Variants in TMEM117 observed in about 807,000 individuals in gnomAD.
The protein encoded by TMEM117 is transmembrane protein 117.
In TMEM117, 27 loss-of-function variants were observed where a neutral mutation model predicts 52.4. That is an observed-to-expected ratio of 0.51 (90% CI 0.38 to 0.71). The LOEUF is 0.71. TMEM117 is among the 30% of genes least tolerant of loss of function. The pLI is 0.00. For missense variants in TMEM117, 556 were observed against 630.5 expected, an observed-to-expected ratio of 0.88 and a Z score of 1.26; for synonymous variants, 215 against 206.3, an observed-to-expected ratio of 1.04 and a Z score of -0.36.
At chr12:43,992,247 G>A (rs987271236) in intron 3 of TMEM117, among the ~76,000 whole-genome samples, 5 of 151,776 alleles carry the variant, frequency 3.3e-5, no homozygotes, top group Non-Finnish European at 5.9e-5. Context: ...TTCCGAATTA[G>A]TTTATTTTAA....
chr12:44,235,657 C>A (rs138377959), intron 5 of TMEM117, among the ~76,000 whole-genome samples: 23 of 151,740 alleles, frequency 1.5e-4, no homozygotes, highest in Admixed American at 5.9e-4. Flanking sequence ...TATTTTAATT[C>A]TTTTCTTCAT....
intron 6 of TMEM117, among the ~76,000 whole-genome samples, chr12:44,324,221 T>C (rs753989513): frequency 2.6e-5 from 4 of 152,112 alleles, no homozygotes; most frequent in East Asian, 1.9e-4. Flanking sequence ...TGGAGAGTTG[T>C]TGGCAAGTTG....
intron 5 of TMEM117, among the ~76,000 whole-genome samples, chr12:44,218,693 C>T (rs1949751061): frequency 6.6e-6 from 1 of 152,168 alleles, no homozygotes; most frequent in Admixed American, 6.5e-5. Flanking sequence ...GACATTTAAC[C>T]TATCAGACAT....
chr12:43,980,327 C>T (rs974660062), intron 3 of TMEM117, among the ~76,000 whole-genome samples: 62 of 152,214 alleles, frequency 4.1e-4, no homozygotes, highest in African/African-American at 1.5e-3. Flanking sequence ...TTACTGGGAC[C>T]CTTTGCCTTT....
At chr12:43,864,422 A>G (rs1430356418) in intron 2 of TMEM117, among the ~76,000 whole-genome samples, 2 of 152,196 alleles carry the variant, frequency 1.3e-5, no homozygotes, top group Non-Finnish European at 2.9e-5. Context: ...AAATACACCA[A>G]TCAGCACTCT....
chr12:44,281,670 A>G (rs561974126), intron 5 of TMEM117, among the ~76,000 whole-genome samples: 1 of 152,274 alleles, frequency 6.6e-6, no homozygotes, highest in African/African-American at 2.4e-5. Flanking sequence ...ATGCAACTTG[A>G]TACAGTTAGT....
chr12:44,177,354 G>T lies in TMEM117; in HGVS notation c.510+33730G>T, dbSNP rs200454615. 1.1e-4 allele frequency among the ~76,000 whole-genome samples: 17 copies of T among 152,208 alleles called. No homozygotes were observed. In the East Asian group the frequency reaches 3.1e-3, roughly 28 times the overall value. ...TTATAGCTCATTGAAGGCTCAATGCGAAATGAACAACCTCTTTGCAATCCT... is the reference window on the plus strand; with the variant it reads ...TTATAGCTCATTGAAGGCTCAATGCTAAATGAACAACCTCTTTGCAATCCT... On this transcript the variant is annotated intron_variant, in intron 4 of 7. Transcript: ENST00000266534.
intron 3 of TMEM117, among the ~76,000 whole-genome samples, chr12:44,091,850 GATAA>G (rs1238399555): frequency 6.6e-6 from 1 of 152,190 alleles, no homozygotes; most frequent in Non-Finnish European, 1.5e-5. Flanking sequence ...GAAAAATTCT[GATAA>G]ATGTAGTCCA....
intron 3 of TMEM117, among the ~76,000 whole-genome samples, chr12:44,122,393 A>G (rs1400806567): frequency 1.3e-5 from 2 of 152,096 alleles, no homozygotes; most frequent in East Asian, 1.9e-4. Flanking sequence ...TATATGTAGC[A>G]CATATTCTTT....
intron 6 of TMEM117, among the ~76,000 whole-genome samples, chr12:44,309,814 A>C (rs840765): frequency 0.023 from 3,547 of 151,660 alleles, 157 homozygotes; most frequent in African/African-American, 0.081. Flanking sequence ...GACTTCAAAG[A>C]CCATACTTTT....
chr12:44,004,102 C>A (rs971802799), intron 3 of TMEM117, among the ~76,000 whole-genome samples: 10 of 152,314 alleles, frequency 6.6e-5, no homozygotes, highest in South Asian at 2.1e-4. Flanking sequence ...TAAAGGTAAT[C>A]ATTTCCTGCC....
At chr12:43,958,825 G>T (rs1315387341) in intron 3 of TMEM117, among the ~76,000 whole-genome samples, 2 of 148,860 alleles carry the variant, frequency 1.3e-5, no homozygotes, top group African/African-American at 4.9e-5. Flanking sequence ...GTTTGTTTTT[G>T]AGACAGAGTC....
At chr12:44,387,652 A>T (rs1377926202) in intron 7 of TMEM117, among the ~76,000 whole-genome samples, 1 of 152,150 alleles carries the variant, frequency 6.6e-6, no homozygotes, top group Non-Finnish European at 1.5e-5. Flanking sequence ...CATACATTGA[A>T]CTTTTCTAAG....
At chr12:44,027,111 T>G (rs28456055) in intron 3 of TMEM117, among the ~76,000 whole-genome samples, 1 of 103,982 alleles carries the variant, frequency 9.6e-6, no homozygotes, top group Non-Finnish European at 2.0e-5. Context: ...TTTATTTTAT[T>G]TTATCTTATT....
the TMEM117 span, among the ~76,000 whole-genome samples, chr12:43,806,838 T>C: frequency 1.3e-5 from 2 of 152,220 alleles, no homozygotes; most frequent in Non-Finnish European, 2.9e-5. Flanking sequence ...TGTTAACTTT[T>C]CTTTTCAGCT....
chr12:44,241,639 T>A (rs1019094152), intron 5 of TMEM117, among the ~76,000 whole-genome samples: 2 of 151,932 alleles, frequency 1.3e-5, no homozygotes, highest in African/African-American at 4.8e-5. Flanking sequence ...TGTGCCTTTA[T>A]TTTTGTGTGT....
chr12:44,027,338 T>G (rs898781849), intron 3 of TMEM117, among the ~76,000 whole-genome samples: 2 of 151,812 alleles, frequency 1.3e-5, no homozygotes, highest in African/African-American at 4.8e-5. Flanking sequence ...CATACCCAGC[T>G]AATGTTTGTA....
intron 3 of TMEM117, among the ~76,000 whole-genome samples, chr12:44,103,946 T>C (rs1947908445): frequency 6.6e-6 from 1 of 152,004 alleles, no homozygotes; most frequent in African/African-American, 2.4e-5. Flanking sequence ...GAGAACTATG[T>C]AATGTTCATT....
At chr12:43,856,692 TTC>T (rs542591630) in intron 2 of TMEM117, among the ~76,000 whole-genome samples, 143 of 152,364 alleles carry the variant, frequency 9.4e-4, no homozygotes, top group Non-Finnish European at 1.7e-3. Context: ...CAATACTTCA[TTC>T]CTTTTTATTT....
Sources: allele counts gnomAD v4.1 joint callset (sites outside exome capture counted in the v4.1 genomes callset), GRCh38; gene constraint gnomAD v4.1.1; transcripts MANE v1.5; gene names NCBI Gene and HGNC (gene_info 2026-07-23, HGNC 2026-07-21).